Variants in ATP8A2 observed in about 807,000 individuals in gnomAD.
ATP8A2 encodes ATPase phospholipid transporting 8A2.
ATP8A2 carries 100 observed loss-of-function variants against 165.6 expected under a neutral mutation model. The observed-to-expected ratio is 0.60, with a 90% CI of 0.51 to 0.71. The LOEUF is 0.71. ATP8A2 is among the 30% of genes least tolerant of loss of function. The pLI is 0.00. For missense variants in ATP8A2, 1,227 were observed against 1,479.5 expected, an observed-to-expected ratio of 0.83 and a Z score of 2.80; for synonymous variants, 543 against 548.8, an observed-to-expected ratio of 0.99 and a Z score of 0.15.
chr13:25,919,292 A>T (rs1315653247), intron 33 of ATP8A2, among the ~76,000 whole-genome samples: 5 of 152,222 alleles, frequency 3.3e-5, no homozygotes, highest in Non-Finnish European at 7.3e-5. Context: ...AGCATCCAGC[A>T]TATGGCAGAT....
At chr13:25,539,516 A>G (rs959105517) in intron 7 of ATP8A2, among the ~76,000 whole-genome samples, 1 of 152,046 alleles carries the variant, frequency 6.6e-6, no homozygotes, top group African/African-American at 2.4e-5. Context: ...TGTGCTGAAC[A>G]ACCTGTTGAG....
chr13:25,567,102 C>T (rs1324831444), intron 16 of ATP8A2: 1 of 302,600 alleles, frequency 3.3e-6, no homozygotes, highest in South Asian at 2.9e-5. Context: ...CTACATGCTA[C>T]TGGGATTCTA....
chr13:25,612,251 C>T (rs969355177), intron 24 of ATP8A2, among the ~76,000 whole-genome samples: 2 of 152,036 alleles, frequency 1.3e-5, no homozygotes, highest in African/African-American at 2.4e-5. Context: ...CTCTTTCAGA[C>T]GTTTTGATGT....
At chr13:25,983,147 C>T (rs1956204390) in intron 35 of ATP8A2, among the ~76,000 whole-genome samples, 1 of 152,176 alleles carries the variant, frequency 6.6e-6, no homozygotes, top group African/African-American at 2.4e-5. Context: ...CTCTGGGATG[C>T]ACCTTCTGTG....
At chr13:25,591,204 A>G in intron 24 of ATP8A2, 1 of 452,166 alleles carries the variant, frequency 2.2e-6, no homozygotes, top group South Asian at 1.6e-5. Flanking sequence ...GTTCAGTGGC[A>G]TTAAGTATAT....
chr13:25,636,253 C>T (rs1029492895), intron 24 of ATP8A2, among the ~76,000 whole-genome samples: 1 of 152,112 alleles, frequency 6.6e-6, no homozygotes, highest in South Asian at 2.1e-4. Flanking sequence ...TTCTAACCCC[C>T]TGCTGTGTTT....
chr13:25,955,108 G>A (rs758252893), intron 33 of ATP8A2, among the ~76,000 whole-genome samples: 10 of 152,190 alleles, frequency 6.6e-5, no homozygotes, highest in Non-Finnish European at 1.3e-4. Context: ...CTTGAAAAAA[G>A]GTTATAGGAA....
At chr13:25,687,180 T>G (rs546960731) in intron 24 of ATP8A2, among the ~76,000 whole-genome samples, 52 of 152,198 alleles carry the variant, frequency 3.4e-4, no homozygotes, top group African/African-American at 1.1e-3. Flanking sequence ...CAGCAGATAG[T>G]CCCCAAACAA....
chr13:25,452,096 G>A (rs191607599), intron 1 of ATP8A2, among the ~76,000 whole-genome samples: 148 of 152,024 alleles, frequency 9.7e-4, no homozygotes, highest in African/African-American at 3.4e-3. Context: ...CTTGTGATCC[G>A]CCCACCTCAG....
At chr13:25,850,947 C>T (rs1356771855) in intron 30 of ATP8A2, among the ~76,000 whole-genome samples, 4 of 152,172 alleles carry the variant, frequency 2.6e-5, no homozygotes, top group Admixed American at 2.0e-4. Flanking sequence ...ACCATCTAGT[C>T]CCCAGGGTTT....
In ATP8A2 at chr13:25,533,452, T is replaced by C. The variant is rs879036822; in HGVS notation, c.507+139T>C. 3 of 533,604 alleles carry C rather than the reference T, an allele frequency of 5.6e-6. No individual in the cohort carries two copies. The South Asian group carries it at 8.2e-5, about 15-fold the overall frequency. 33.1% of individuals were successfully genotyped at this position (533,604 alleles called of 1,614,324 possible). A position where few individuals can be genotyped will look rare whatever the true frequency, so the allele number is the denominator to read the frequency against. On this transcript the variant is annotated intron_variant, in intron 6 of 36. Coordinates refer to ENST00000381655, the MANE Select transcript of ATP8A2 (RefSeq NM_016529.6). ...GGTCTGCTGAGACCTGATGCGTGTT[T>C]ACTCCTTCCCTTGCACCTTCTAGTA...
chr13:25,579,738 G>A (rs963445069), intron 21 of ATP8A2, 70 bp from the exon 22 acceptor site: 7 of 1,569,266 alleles, frequency 4.5e-6, no homozygotes, highest in African/African-American at 4.1e-5. Flanking sequence ...TGATGGAAAA[G>A]GGAGCACAGG....
intron 26 of ATP8A2, among the ~76,000 whole-genome samples, chr13:25,773,469 A>G (rs923369730): frequency 6.6e-6 from 1 of 152,010 alleles, no homozygotes; most frequent in African/African-American, 2.4e-5. Context: ...GGCTGAGGAG[A>G]TACGATCTGA....
At chr13:25,727,044 C>T (rs1040589525) in intron 25 of ATP8A2, among the ~76,000 whole-genome samples, 3 of 152,092 alleles carry the variant, frequency 2.0e-5, no homozygotes, top group Admixed American at 6.6e-5. Flanking sequence ...ATCATATCCC[C>T]GTCCTTCTCC....
intron 24 of ATP8A2, among the ~76,000 whole-genome samples, chr13:25,636,910 TAGTG>T (rs1485907510): frequency 6.6e-6 from 1 of 151,654 alleles, no homozygotes; most frequent in Admixed American, 6.6e-5. Context: ...CTGGGCAACA[TAGTG>T]AGTCATCATC....
chr13:25,799,521 A>G (rs1311652888), intron 27 of ATP8A2, among the ~76,000 whole-genome samples: 1 of 152,208 alleles, frequency 6.6e-6, no homozygotes, highest in Non-Finnish European at 1.5e-5. Flanking sequence ...ACACGGAATC[A>G]TTGCCATAGA....
At chr13:25,494,753 C>T (rs2036624520) in intron 2 of ATP8A2, among the ~76,000 whole-genome samples, 1 of 152,124 alleles carries the variant, frequency 6.6e-6, no homozygotes, top group Admixed American at 6.6e-5. Context: ...CAGCATCTTC[C>T]CTTTTACTGT....
intron 24 of ATP8A2, among the ~76,000 whole-genome samples, chr13:25,656,771 A>G (rs1444505617): frequency 1.3e-5 from 2 of 150,396 alleles, no homozygotes; most frequent in African/African-American, 4.9e-5. Context: ...TATTTTCTTC[A>G]GCTGGGTGTG....
At chr13:25,866,577 C>T (rs1952513743) in intron 33 of ATP8A2, among the ~76,000 whole-genome samples, 1 of 152,062 alleles carries the variant, frequency 6.6e-6, no homozygotes, top group Admixed American at 6.5e-5. Flanking sequence ...TGACAACCCC[C>T]ACCCCCCAAA....
Sources: gnomAD v4.1 joint callset for allele counts (sites outside exome capture counted in the v4.1 genomes callset) on GRCh38, gnomAD v4.1.1 for gene constraint, MANE v1.5 for transcripts, NCBI Gene and HGNC (gene_info 2026-07-23, HGNC 2026-07-21) for gene names.